The following METTL15 variants were observed in gnomAD, a reference collection of about 807,000 sequenced individuals.
METTL15 encodes the protein 12S rRNA N(4)-cytidine methyltransferase METTL15.
In METTL15, 34 loss-of-function variants were observed where a neutral mutation model predicts 38.3. That is an observed-to-expected ratio of 0.89 (90% CI 0.68 to 1.18). METTL15 has a LOEUF of 1.18. Ranked by LOEUF, METTL15 falls within the 50% of genes most tolerant of loss-of-function variation. The probability of loss-of-function intolerance (pLI) is 0.00; values close to 1 mark genes in which losing one functional copy is unlikely to be tolerated. For synonymous variants in METTL15, 162 were observed against 170.9 expected, an observed-to-expected ratio of 0.95 and a Z score of 0.41; for missense variants, 438 against 498.4, an observed-to-expected ratio of 0.88 and a Z score of 1.15.
intron 4 of METTL15, among the ~76,000 whole-genome samples, chr11:28,260,073 A>C (rs900193019): frequency 1.1e-4 from 17 of 152,278 alleles, no homozygotes; most frequent in Non-Finnish European, 1.9e-4. Context: ...AAAGTCTTCT[A>C]ATTTTTCTGT....
chr11:28,165,038 G>C (rs1850607929), intron 3 of METTL15, among the ~76,000 whole-genome samples: 1 of 152,070 alleles, frequency 6.6e-6, no homozygotes, highest in Non-Finnish European at 1.5e-5. Context: ...TTAAAAGGCT[G>C]AATATTTTTC....
chr11:28,439,408 G>A (rs1000727342), intron 6 of METTL15, among the ~76,000 whole-genome samples: 6 of 152,190 alleles, frequency 3.9e-5, no homozygotes, highest in South Asian at 2.1e-4. Context: ...AAAGGGTTAC[G>A]CAGGACAAAT....
intron 6 of METTL15, among the ~76,000 whole-genome samples, chr11:28,502,225 T>G (rs1163449113): frequency 6.6e-6 from 1 of 152,186 alleles, no homozygotes; most frequent in Non-Finnish European, 1.5e-5. Flanking sequence ...GATTAAGAAT[T>G]TTATCCAAAT....
At chr11:28,171,350 CT>C (rs1409487993) in intron 3 of METTL15, among the ~76,000 whole-genome samples, 2 of 151,898 alleles carry the variant, frequency 1.3e-5, no homozygotes, top group Non-Finnish European at 2.9e-5. Flanking sequence ...TTTTTAAAGC[CT>C]TTGTTTCTTA....
intron 3 of METTL15, chr11:28,352,032 T>G (rs1209213936): frequency 6.6e-6 from 1 of 152,210 alleles, no homozygotes; most frequent in Non-Finnish European, 1.5e-5. Context: ...GGTATTGTGA[T>G]TCTAGGTAAT....
At chr11:28,254,704 A>G (rs925919605) in intron 4 of METTL15, among the ~76,000 whole-genome samples, 18 of 152,148 alleles carry the variant, frequency 1.2e-4, no homozygotes, top group Admixed American at 2.6e-4. Context: ...AAATGGATAT[A>G]CAGTTTTCTA....
At chr11:28,483,397 A>G (rs1221847607) in intron 6 of METTL15, among the ~76,000 whole-genome samples, 2 of 152,230 alleles carry the variant, frequency 1.3e-5, no homozygotes, top group East Asian at 1.9e-4. Context: ...ATTAAGACCA[A>G]TAACTTTGGA....
intron 6 of METTL15, among the ~76,000 whole-genome samples, chr11:28,434,575 T>C (rs1344611544): frequency 6.6e-6 from 1 of 152,236 alleles, no homozygotes; most frequent in Non-Finnish European, 1.5e-5. Context: ...TGAGGGAATA[T>C]CCTTCAAATT....
intron 4 of METTL15, among the ~76,000 whole-genome samples, chr11:28,221,275 TC>T (rs1853204338): frequency 1.3e-5 from 2 of 152,178 alleles, no homozygotes; most frequent in Non-Finnish European, 2.9e-5. Context: ...TATTCTTTTT[TC>T]TCTAAATTTC....
chr11:28,398,308 T>C (rs1564920158), intron 5 of METTL15, among the ~76,000 whole-genome samples: 1 of 152,070 alleles, frequency 6.6e-6, no homozygotes, highest in Non-Finnish European at 1.5e-5. Flanking sequence ...CATAAAAAGT[T>C]CCTATTTCTC....
In METTL15 at chr11:28,289,529, A is replaced by G. The variant is rs568725845; in HGVS notation, c.408-677A>G. Among the ~76,000 whole-genome samples, 3 of 152,226 alleles carry G rather than the reference A, an allele frequency of 2.0e-5. No homozygotes were observed. The South Asian group carries it at 6.2e-4, about 32-fold the overall frequency. On this transcript the variant is annotated intron_variant, in intron 4 of 6. Coordinates refer to ENST00000407364, the MANE Select transcript of METTL15 (RefSeq NM_001113528.2). ...GTTGCCTTAAGGCTTCTGAAGAACC[A>G]TAAAGGCAGCATCTCACTTTGTGTA...
At chr11:28,287,551 A>G (rs1856330252) in intron 4 of METTL15, 1 of 302,850 alleles carries the variant, frequency 3.3e-6, no homozygotes, top group Non-Finnish European at 6.3e-6. Context: ...CGGCCTAATA[A>G]GAACCTCATT....
chr11:28,253,560 T>G (rs1002881206), intron 4 of METTL15, among the ~76,000 whole-genome samples: 2 of 151,838 alleles, frequency 1.3e-5, no homozygotes, highest in East Asian at 3.9e-4. Context: ...ACTCTTTCTA[T>G]TTTTTTTCTT....
intron 3 of METTL15, among the ~76,000 whole-genome samples, chr11:28,198,111 G>C (rs2133815116): frequency 6.6e-6 from 1 of 152,182 alleles, no homozygotes; most frequent in East Asian, 1.9e-4. Flanking sequence ...TATGGGTTAT[G>C]TGAATTTCTT....
intron 6 of METTL15, among the ~76,000 whole-genome samples, chr11:28,511,438 T>C (rs958409568): frequency 8.5e-5 from 13 of 152,218 alleles, no homozygotes; most frequent in African/African-American, 3.1e-4. Flanking sequence ...ATTGGTGGGT[T>C]CTTGGTCTCA....
intron 6 of METTL15, among the ~76,000 whole-genome samples, chr11:28,519,786 A>G (rs1851749471): frequency 6.6e-6 from 1 of 152,178 alleles, no homozygotes; most frequent in Non-Finnish European, 1.5e-5. Context: ...TAGCATAGAC[A>G]TCACTGACAC....
downstream of METTL15, among the ~76,000 whole-genome samples, chr11:28,334,933 T>A (rs993137704): frequency 1.3e-5 from 2 of 152,130 alleles, no homozygotes; most frequent in African/African-American, 2.4e-5. Flanking sequence ...GTAAAGAAAA[T>A]TTAATATTTC....
At chr11:28,183,858 G>T (rs1186669910) in intron 3 of METTL15, among the ~76,000 whole-genome samples, 1 of 152,010 alleles carries the variant, frequency 6.6e-6, no homozygotes, top group African/African-American at 2.4e-5. Flanking sequence ...TGTACCTCTG[G>T]TAGAATTCAG....
At chr11:28,508,644 C>T (rs1022660752) in intron 6 of METTL15, among the ~76,000 whole-genome samples, 1 of 152,150 alleles carries the variant, frequency 6.6e-6, no homozygotes, top group African/African-American at 2.4e-5. Flanking sequence ...CCCTTAGTCA[C>T]TTCTCTTCAT....
Sources: allele counts gnomAD v4.1 joint callset (sites outside exome capture counted in the v4.1 genomes callset), GRCh38; gene constraint gnomAD v4.1.1; transcripts MANE v1.5; gene names NCBI Gene and HGNC (gene_info 2026-07-23, HGNC 2026-07-21).